WNK1: variants seen among roughly 807,000 people sequenced by gnomAD.
The protein encoded by WNK1 is WNK lysine deficient protein kinase 1.
WNK1 carries 38 observed loss-of-function variants against 222.8 expected under a neutral mutation model. The observed-to-expected ratio is 0.17, with a 90% CI of 0.13 to 0.22. The LOEUF is 0.22. WNK1 is among the 10% of genes least tolerant of loss of function. The pLI is 1.00. For missense variants in WNK1, 2,348 were observed against 2,918.4 expected (o/e 0.80, Z 4.50); for synonymous variants, 1,090 against 1,092.9 (o/e 1.00, Z 0.05).
chr12:792,403 C>G (rs1944932125), intron 1 of WNK1, among the ~76,000 whole-genome samples: 1 of 150,318 alleles, frequency 6.7e-6, no homozygotes, highest in Non-Finnish European at 1.5e-5. Flanking sequence ...GCCTCCGCTT[C>G]CCAGCCTCAA....
At chr12:895,935 G>T in intron 23 of WNK1, 136 bp from the exon 24 acceptor site, 1 of 1,142,948 alleles carries the variant, frequency 8.7e-7, no homozygotes. Flanking sequence ...CAAAAGTGGA[G>T]GCGCTATGTA....
At chr12:873,658 A>G (rs1758006354) in intron 9 of WNK1, among the ~76,000 whole-genome samples, 1 of 152,168 alleles carries the variant, frequency 6.6e-6, no homozygotes, top group South Asian at 2.1e-4. Flanking sequence ...GATTCTGCAA[A>G]TGTACCTCAG....
At chr12:762,869 C>A (rs1346264648) in intron 1 of WNK1, among the ~76,000 whole-genome samples, 1 of 146,646 alleles carries the variant, frequency 6.8e-6, no homozygotes, top group Non-Finnish European at 1.5e-5. Context: ...GCCTCAGCCT[C>A]CCGAGTAGCT....
chr12:859,539 T>C, intron 6 of WNK1, 75 bp downstream of exon 6: 1 of 1,175,572 alleles, frequency 8.5e-7, no homozygotes, highest in Non-Finnish European at 1.2e-6. Flanking sequence ...AAAAAAGCAG[T>C]TGATGAAGTG....
At chr12:907,777 G>T in intron 26 of WNK1, 70 bp from the exon 27 acceptor site, 2 of 1,567,806 alleles carry the variant, frequency 1.3e-6, no homozygotes, top group Middle Eastern at 2.3e-4. Context: ...ATCATCCCGT[G>T]AAGTTTTCCC....
chr12:829,899 C>A, intron 3 of WNK1, 104 bp from the exon 4 acceptor site: 1 of 1,245,472 alleles, frequency 8.0e-7, no homozygotes, highest in Non-Finnish European at 1.2e-6. Context: ...TCTCCCCATT[C>A]CAATTTCTTC....
At chr12:854,362 TTTTTG>T (rs1950620959) in intron 4 of WNK1, among the ~76,000 whole-genome samples, 1 of 136,868 alleles carries the variant, frequency 7.3e-6, no homozygotes, top group Non-Finnish European at 1.6e-5. Context: ...TATCTTTTTT[TTTTTG>T]TTTTTTTTGA....
intron 22 of WNK1, among the ~76,000 whole-genome samples, chr12:890,869 A>G (rs977337416): frequency 2.0e-5 from 3 of 152,266 alleles, no homozygotes; most frequent in Non-Finnish European, 4.4e-5. Context: ...TAGTCTGGAC[A>G]TATATTTGTA....
chr12:863,157 C>A (rs1463801656), intron 8 of WNK1, among the ~76,000 whole-genome samples: 1 of 152,118 alleles, frequency 6.6e-6, no homozygotes, highest in African/African-American at 2.4e-5. Context: ...CAGATTTTCC[C>A]CTTCTCAGAA....
rs1939487314 is a variant in WNK1 at position 753,452 on chromosome 12, G to A, written c.-114G>A. ...GCTGAGTGAGGCGTCGTCCGGGTCG[G>A]CGCGAACCCGCCCGGCCGCGGTTCC... On this transcript the variant is annotated 5_prime_UTR_variant, in exon 1 of 28. Coordinates refer to ENST00000315939, the MANE Select transcript of WNK1 (RefSeq NM_018979.4). The surrounding 1 kb of genome is among the most constrained non-coding windows in gnomAD (Gnocchi z 5.2). 1 of 1,444,344 alleles carries A rather than the reference G, an allele frequency of 6.9e-7. No individual in the cohort carries two copies. The highest frequency in any genetic ancestry group is 9.4e-7 in the Non-Finnish European group (1 of 1,061,434). 89.5% of individuals were successfully genotyped at this position (1,444,344 alleles called of 1,614,324 possible). A position where few individuals can be genotyped will look rare whatever the true frequency, so the allele number is the denominator to read the frequency against.
intron 1 of WNK1, among the ~76,000 whole-genome samples, chr12:755,973 C>G (rs1168134962): frequency 6.6e-6 from 1 of 152,106 alleles, no homozygotes; most frequent in Non-Finnish European, 1.5e-5. Context: ...GACTCCGTCT[C>G]AAAAACAAAC....
At chr12:838,917 T>TGA (rs1451211489) in intron 4 of WNK1, among the ~76,000 whole-genome samples, 1 of 152,154 alleles carries the variant, frequency 6.6e-6, no homozygotes. Context: ...ATTCAGCAAA[T>TGA]ATTCAAGTCT....
At chr12:848,247 A>T (rs902365788) in intron 4 of WNK1, among the ~76,000 whole-genome samples, 5 of 152,190 alleles carry the variant, frequency 3.3e-5, no homozygotes, top group African/African-American at 1.2e-4. Flanking sequence ...GTTTTTGAGC[A>T]GTGTGATTAT....
At chr12:847,434 G>T (rs933454010) in intron 4 of WNK1, among the ~76,000 whole-genome samples, 1 of 152,272 alleles carries the variant, frequency 6.6e-6, no homozygotes, top group South Asian at 2.1e-4. Flanking sequence ...AAAAAAGGGG[G>T]CAGAATAGGA....
intron 8 of WNK1, among the ~76,000 whole-genome samples, chr12:864,168 C>T (rs1010964621): frequency 5.5e-5 from 8 of 144,950 alleles, no homozygotes; most frequent in East Asian, 4.0e-4. Context: ...AATACAGTGG[C>T]GTGATCTTGG....
intron 24 of WNK1, 140 bp downstream of exon 24, chr12:896,872 C>A (rs1410607275): frequency 1.4e-6 from 1 of 702,636 alleles, no homozygotes; most frequent in Non-Finnish European, 2.4e-6. Context: ...GAAGCCCCAC[C>A]CCATACCTCC....
intron 5 of WNK1, among the ~76,000 whole-genome samples, chr12:858,964 G>A (rs964477303): frequency 4.6e-5 from 7 of 151,966 alleles, no homozygotes; most frequent in South Asian, 2.1e-4. Flanking sequence ...GTGTTAGCTC[G>A]CCATTACTAG....
rs1169334702 is a variant in WNK1, at chr12:752,711, C to G, written c.-855C>G. 1 of 152,360 alleles carries G rather than the reference C, an allele frequency of 6.6e-6. No homozygotes were observed. The highest frequency in any genetic ancestry group is 1.5e-5 in the Non-Finnish European group (1 of 68,144). 9.4% of individuals were successfully genotyped at this position (152,360 alleles called of 1,614,324 possible). A position where few individuals can be genotyped will look rare whatever the true frequency, so the allele number is the denominator to read the frequency against. On this transcript the variant is annotated 5_prime_UTR_variant, in exon 1 of 28. Coordinates refer to ENST00000315939, the MANE Select transcript of WNK1 (RefSeq NM_018979.4). ...GCTGCTCTTTTCTCTCCCTGTTCCC[C>G]CTCACCCAGTCCTCTAGGTCTCCTC...
intron 1 of WNK1, among the ~76,000 whole-genome samples, chr12:794,170 T>A (rs1945097480): frequency 6.6e-6 from 1 of 152,212 alleles, no homozygotes; most frequent in Non-Finnish European, 1.5e-5. Flanking sequence ...TGATTGACAT[T>A]TGTGTTGTTT....
Sources: allele counts gnomAD v4.1 joint callset (sites outside exome capture counted in the v4.1 genomes callset), GRCh38; gene constraint gnomAD v4.1.1; non-coding constraint Gnocchi (gnomAD v3.1); transcripts MANE v1.5; gene names NCBI Gene and HGNC (gene_info 2026-07-23, HGNC 2026-07-21).